ADGRL3: variants seen among roughly 807,000 people sequenced by gnomAD.
ADGRL3 encodes the protein calcium-independent alpha-latrotoxin receptor 3.
ADGRL3 carries 62 observed loss-of-function variants against 153.5 expected under a neutral mutation model. The ratio of observed to expected loss-of-function variants is 0.40; its 90% CI spans 0.33 to 0.50. The LOEUF (loss-of-function observed/expected upper bound fraction) is 0.50, where lower values mean the gene tolerates loss of function less well. Ranked by LOEUF, ADGRL3 falls within the 20% of genes least tolerant of loss-of-function variation. The pLI is 0.47. For synonymous variants in ADGRL3, 710 were observed against 672.5 expected (o/e 1.06, Z -0.86); for missense variants, 1,641 against 1,859.4 (o/e 0.88, Z 2.16).
At chr4:61,491,769 C>G (rs2098260416) in intron 2 of ADGRL3, among the ~76,000 whole-genome samples, 1 of 152,034 alleles carries the variant, frequency 6.6e-6, no homozygotes, top group Non-Finnish European at 1.5e-5. Flanking sequence ...ACCATTTTAT[C>G]AAGGTGCCAA....
chr4:61,474,026 A>C (rs1476614417), intron 2 of ADGRL3, among the ~76,000 whole-genome samples: 1 of 152,056 alleles, frequency 6.6e-6, no homozygotes, highest in African/African-American at 2.4e-5. Context: ...ATCTTTGCAG[A>C]GGAAAAAAAA....
chr4:61,485,674 T>A (rs2098183075), intron 2 of ADGRL3, among the ~76,000 whole-genome samples: 1 of 152,168 alleles, frequency 6.6e-6, no homozygotes, highest in Non-Finnish European at 1.5e-5. Flanking sequence ...TATTTTTTCC[T>A]TATCCACTGG....
intron 23 of ADGRL3, among the ~76,000 whole-genome samples, chr4:62,036,304 C>G (rs1724960135): frequency 6.6e-6 from 1 of 151,952 alleles, no homozygotes; most frequent in Non-Finnish European, 1.5e-5. Context: ...CAACTTCACT[C>G]TGTAAATTAA....
rs2099121877 is a variant in ADGRL3 at position 61,996,426 on chromosome 4, CT to C, written c.3303+70del. The C allele has an allele frequency of 3.7e-6, 4 of 1,077,154 alleles. No individual in the cohort carries two copies. In the East Asian group the frequency reaches 7.3e-5, roughly 20 times the overall value. The allele number at this position is 1,077,154 out of a possible 1,614,324, so 66.7% of individuals were successfully genotyped here. ...AAAACTTTCACTATCCCAGTACTGA[CT>C]GTCTTTAATTTACAGAGGTTAATTT... On this transcript the variant is annotated intron_variant, in intron 20 of 26. Coordinates refer to ENST00000683033, the MANE Select transcript of ADGRL3 (RefSeq NM_001387552.1).
chr4:61,600,150 A>T (rs1224780245), intron 5 of ADGRL3, among the ~76,000 whole-genome samples: 1 of 151,886 alleles, frequency 6.6e-6, no homozygotes, highest in Non-Finnish European at 1.5e-5. Context: ...TCTACTAAAA[A>T]TACAGAAATT....
At chr4:61,360,173 A>T (rs895249727) in intron 1 of ADGRL3, among the ~76,000 whole-genome samples, 4 of 152,180 alleles carry the variant, frequency 2.6e-5, no homozygotes, top group African/African-American at 7.2e-5. Flanking sequence ...ATCTCAGAAG[A>T]TAATAATCTA....
At chr4:61,971,361 T>A (rs1265705908) in intron 17 of ADGRL3, among the ~76,000 whole-genome samples, 1 of 152,034 alleles carries the variant, frequency 6.6e-6, no homozygotes, top group South Asian at 2.1e-4. Flanking sequence ...CCTGTGTCCA[T>A]GTGTTCTCAT....
At chr4:61,390,396 C>A (rs920807946) in intron 2 of ADGRL3, among the ~76,000 whole-genome samples, 1 of 152,080 alleles carries the variant, frequency 6.6e-6, no homozygotes, top group African/African-American at 2.4e-5. Context: ...TTATTTCTGC[C>A]TGAATCAAGG....
chr4:61,547,333 G>A lies in ADGRL3; in HGVS notation c.259+29815G>A, dbSNP rs918491046. On this transcript the variant is annotated intron_variant, in intron 4 of 26. Transcript: ENST00000683033. ...GGTTTGTCATGTAGGTAAATTGCAT[G>A]TCAGAGGAATTTGGTACACAGATTA... 9.0e-4 allele frequency among the ~76,000 whole-genome samples: 136 copies of A among 151,240 alleles called. 1 individual carries two copies. Among genetic ancestry groups the A allele is most frequent in the African/African-American group, 3.1e-3 (128 of 41,192 alleles).
rs1294793304 is a variant in ADGRL3 at position 61,201,477 on chromosome 4, G to A, written c.-528G>A. On this transcript the variant is annotated 5_prime_UTR_variant, in exon 1 of 27. Coordinates refer to ENST00000683033, the MANE Select transcript of ADGRL3 (RefSeq NM_001387552.1). ...GGGTGTGTGAAGCGAGGAACGTAAA[G>A]GAAGGCGAACATTTGGCTCTCTTTT... The A allele has an allele frequency of 6.6e-6, 1 of 152,298 alleles. No individual in the cohort carries two copies. The highest frequency in any genetic ancestry group is 1.5e-5 in the Non-Finnish European group (1 of 68,090). 9.4% of individuals were successfully genotyped at this position (152,298 alleles called of 1,614,324 possible).
At chr4:61,637,349 A>G (rs577843980) in intron 5 of ADGRL3, among the ~76,000 whole-genome samples, 2 of 152,324 alleles carry the variant, frequency 1.3e-5, no homozygotes, top group South Asian at 4.1e-4. Context: ...AAGCCAAGCA[A>G]TGCCAAAGAT....
chr4:61,499,989 C>G (rs1020734984), intron 3 of ADGRL3, among the ~76,000 whole-genome samples: 4 of 7,420 alleles, frequency 5.4e-4, no homozygotes, highest in Admixed American at 3.5e-3. Context: ...CACACACAGA[C>G]ACACACACAC....
At chr4:61,431,789 T>G (rs2152415587) in intron 2 of ADGRL3, among the ~76,000 whole-genome samples, 1 of 152,346 alleles carries the variant, frequency 6.6e-6, no homozygotes, top group Non-Finnish European at 1.5e-5. Flanking sequence ...TAAAATCATG[T>G]AACACTTCAA....
At chr4:61,601,813 T>A (rs1264097590) in intron 5 of ADGRL3, among the ~76,000 whole-genome samples, 2 of 152,172 alleles carry the variant, frequency 1.3e-5, no homozygotes, top group South Asian at 4.1e-4. Flanking sequence ...TAAATTTATA[T>A]CTTCCTTTAG....
intron 26 of ADGRL3, among the ~76,000 whole-genome samples, chr4:62,069,701 G>A (rs1028975942): frequency 2.0e-5 from 3 of 152,006 alleles, no homozygotes; most frequent in Non-Finnish European, 4.4e-5. Flanking sequence ...AAAATTAAAG[G>A]TAATGGAGTA....
chr4:61,977,315 G>T (rs1280664632), intron 17 of ADGRL3, among the ~76,000 whole-genome samples: 1 of 150,672 alleles, frequency 6.6e-6, no homozygotes, highest in African/African-American at 2.4e-5. Flanking sequence ...TGTGCTAAAC[G>T]TTGGTGCTTG....
At chr4:62,067,044 C>T (rs1479214205) in intron 25 of ADGRL3, among the ~76,000 whole-genome samples, 4 of 152,102 alleles carry the variant, frequency 2.6e-5, no homozygotes, top group Non-Finnish European at 5.9e-5. Flanking sequence ...CAAGCATTTA[C>T]ATCTCTCGAT....
At chr4:61,873,890 A>G (rs1230384883) in intron 9 of ADGRL3, among the ~76,000 whole-genome samples, 1 of 152,018 alleles carries the variant, frequency 6.6e-6, no homozygotes, top group Non-Finnish European at 1.5e-5. Flanking sequence ...AATGCAAAGA[A>G]CAACTCTTTA....
chr4:61,936,106 T>A, intron 15 of ADGRL3, 61 bp downstream of exon 15: 1 of 1,580,130 alleles, frequency 6.3e-7, no homozygotes. Flanking sequence ...TCATTTCTTT[T>A]TGGCCGGGAA....
Sources: allele counts gnomAD v4.1 joint callset (sites outside exome capture counted in the v4.1 genomes callset), GRCh38; gene constraint gnomAD v4.1.1; transcripts MANE v1.5; gene names NCBI Gene and HGNC (gene_info 2026-07-23, HGNC 2026-07-21).